The following NRXN3 variants were observed in gnomAD, a reference collection of about 807,000 sequenced individuals.
NRXN3 encodes neurexin 3.
In NRXN3, 32 loss-of-function variants were observed where a neutral mutation model predicts 137.6. The ratio of observed to expected loss-of-function variants is 0.23; its 90% CI spans 0.18 to 0.31. NRXN3 has a LOEUF of 0.31. Among genes scored for constraint, NRXN3 ranks in the 10% least tolerant of loss-of-function variants. NRXN3 has a pLI of 1.00. For missense variants in NRXN3, 1,574 were observed against 2,062.5 expected, an observed-to-expected ratio of 0.76 and a Z score of 4.59; for synonymous variants, 798 against 784.5, an observed-to-expected ratio of 1.02 and a Z score of -0.29.
chr14:79,155,411 CACAGTATTTCCTATCCCTGTG>C (rs1249757818), intron 15 of NRXN3, among the ~76,000 whole-genome samples: 5 of 151,854 alleles, frequency 3.3e-5, no homozygotes, highest in Non-Finnish European at 5.9e-5. Flanking sequence ...ATTGTCATTG[CACAGTATTTCCTATCCCTGTG>C]ACATATGAAT....
intron 10 of NRXN3, among the ~76,000 whole-genome samples, chr14:78,926,902 T>A (rs867810037): frequency 0.025 from 772 of 30,368 alleles, 100 homozygotes; most frequent in South Asian, 0.05. Flanking sequence ...ATATATATAA[T>A]ATATATAATA....
At chr14:79,124,889 T>C (rs1568357256) in intron 15 of NRXN3, among the ~76,000 whole-genome samples, 1 of 152,198 alleles carries the variant, frequency 6.6e-6, no homozygotes, top group Non-Finnish European at 1.5e-5. Flanking sequence ...TGTTTTTTTT[T>C]CTCACACAGA....
intron 16 of NRXN3, among the ~76,000 whole-genome samples, chr14:79,649,162 A>G (rs1323536203): frequency 1.3e-5 from 2 of 152,124 alleles, no homozygotes; most frequent in Non-Finnish European, 2.9e-5. Context: ...CAATGAACCC[A>G]TAAGTATCAC....
chr14:78,272,394 G>A (rs894594872), intron 2 of NRXN3, among the ~76,000 whole-genome samples: 5 of 152,186 alleles, frequency 3.3e-5, no homozygotes, highest in Non-Finnish European at 7.3e-5. Flanking sequence ...GCAATTGGGC[G>A]AGGAATTCTG....
At chr14:79,006,635 C>T (rs889406644) in intron 15 of NRXN3, among the ~76,000 whole-genome samples, 1 of 151,924 alleles carries the variant, frequency 6.6e-6, no homozygotes, top group African/African-American at 2.4e-5. Context: ...ATATTAGAGC[C>T]TCTTTTTCTA....
At chr14:78,717,485 CCCTA>C (rs1290955696) in intron 8 of NRXN3, among the ~76,000 whole-genome samples, 1 of 152,072 alleles carries the variant, frequency 6.6e-6, no homozygotes, top group African/African-American at 2.4e-5. Context: ...TGTTTTGTTC[CCCTA>C]CTAATTGTTT....
In NRXN3 at chr14:79,861,826, G is replaced by A; in HGVS notation, c.4578G>A (p.Gly1526=). ...AMYKYRNRDE[G]SYQVDETRNY... The stretch of plus-strand genomic sequence containing the variant: ...ACAAGTACAGGAACAGGGACGAGGG[G>A]TCCTATCAAGTGGACGAGACGCGGA... The change falls in exon 21 of 21, where the codon GGG becomes GGA. Residue 1526 remains glycine (G), a synonymous_variant. Coordinates refer to ENST00000335750, the MANE Select transcript of NRXN3 (RefSeq NM_001330195.2). This position sits in a 1 kb window ranked among gnomAD's most constrained non-coding sequence, Gnocchi z 5.4. 2 of 1,614,066 alleles carry A rather than the reference G, an allele frequency of 1.2e-6. No homozygotes were observed. The highest frequency in any genetic ancestry group is 1.7e-5 in the Admixed American group (1 of 60,010).
In NRXN3 at chr14:79,389,364, A is replaced by G. The variant is rs187699428; in HGVS notation, c.3263-77857A>G. Among the ~76,000 whole-genome samples the G allele has an allele frequency of 9.1e-4, 138 of 152,332 alleles. 1 individual carries two copies. The highest frequency in any genetic ancestry group is 3.2e-3 in the African/African-American group (133 of 41,578). On this transcript the variant is annotated intron_variant, in intron 15 of 20. Coordinates refer to ENST00000335750, the MANE Select transcript of NRXN3 (RefSeq NM_001330195.2). Reference sequence around the variant, plus strand: ...GTGTCTAAATTTGGTTTTATAGCAGATCCATTCCTTGATAACCAACAAACT... The same window carrying G: ...GTGTCTAAATTTGGTTTTATAGCAGGTCCATTCCTTGATAACCAACAAACT...
chr14:78,423,828 G>A (rs2153680188), intron 4 of NRXN3, among the ~76,000 whole-genome samples: 1 of 152,322 alleles, frequency 6.6e-6, no homozygotes, highest in South Asian at 2.1e-4. Context: ...GGGACTATTA[G>A]CAAGGGTTTA....
chr14:79,637,146 C>T (rs944466529), intron 16 of NRXN3, among the ~76,000 whole-genome samples: 3 of 152,102 alleles, frequency 2.0e-5, no homozygotes, highest in Non-Finnish European at 4.4e-5. Context: ...ATCAGGTAAC[C>T]CCTTCCTACT....
chr14:78,407,174 T>G (rs772563908), intron 4 of NRXN3, among the ~76,000 whole-genome samples: 3 of 152,166 alleles, frequency 2.0e-5, no homozygotes, highest in Non-Finnish European at 4.4e-5. Context: ...AGCTTAGAGC[T>G]TGGCCCATTA....
intron 4 of NRXN3, among the ~76,000 whole-genome samples, chr14:78,617,688 C>A (rs899137206): frequency 6.6e-6 from 1 of 152,068 alleles, no homozygotes; most frequent in African/African-American, 2.4e-5. Flanking sequence ...CGACCCTTCA[C>A]TTTCCTGGGC....
intron 15 of NRXN3, among the ~76,000 whole-genome samples, chr14:79,109,472 G>A (rs989856891): frequency 1.3e-5 from 2 of 152,142 alleles, no homozygotes; most frequent in African/African-American, 2.4e-5. Flanking sequence ...AACTTGGCAA[G>A]GAATAACTCA....
chr14:79,025,502 C>A (rs1482432192), intron 15 of NRXN3, among the ~76,000 whole-genome samples: 1 of 152,108 alleles, frequency 6.6e-6, no homozygotes, highest in African/African-American at 2.4e-5. Flanking sequence ...ACTGTATGCC[C>A]TACTAAAAGG....
intron 10 of NRXN3, among the ~76,000 whole-genome samples, chr14:78,944,324 C>G (rs2099361101): frequency 6.6e-6 from 1 of 152,066 alleles, no homozygotes; most frequent in Non-Finnish European, 1.5e-5. Context: ...AATTCCTTCC[C>G]CTAGGTGCAG....
intron 4 of NRXN3, among the ~76,000 whole-genome samples, chr14:78,545,575 G>T (rs576923245): frequency 6.6e-6 from 1 of 152,036 alleles, no homozygotes; most frequent in Non-Finnish European, 1.5e-5. Flanking sequence ...TATAAAATGG[G>T]ATATTATATA....
intron 15 of NRXN3, among the ~76,000 whole-genome samples, chr14:79,423,044 A>C (rs2153536653): frequency 6.6e-6 from 1 of 152,120 alleles, no homozygotes. Context: ...TTTTAAACAG[A>C]ATGGTATGGA....
intron 4 of NRXN3, among the ~76,000 whole-genome samples, chr14:78,341,249 G>A (rs922248564): frequency 7.9e-5 from 12 of 152,216 alleles, no homozygotes; most frequent in African/African-American, 2.9e-4. Context: ...AGCCTCCTAG[G>A]GCAATGCTTT....
chr14:78,221,213 G>T (rs1173618133), intron 1 of NRXN3, among the ~76,000 whole-genome samples: 1 of 152,122 alleles, frequency 6.6e-6, no homozygotes. Flanking sequence ...TGGGAGGGAT[G>T]ATAGACTGTG....
Sources: gnomAD v4.1 joint callset for allele counts (sites outside exome capture counted in the v4.1 genomes callset) on GRCh38, gnomAD v4.1.1 for gene constraint, Gnocchi (gnomAD v3.1) non-coding constraint, MANE v1.5 for transcripts, NCBI Gene and HGNC (gene_info 2026-07-23, HGNC 2026-07-21) for gene names.